CDC73: variants seen among roughly 807,000 people sequenced by gnomAD.
The protein encoded by CDC73 is parafibromin.
A neutral mutation model predicts 83.7 loss-of-function variants in CDC73; 21 were observed. That is an observed-to-expected ratio of 0.25 (90% confidence interval 0.18 to 0.36). The LOEUF (loss-of-function observed/expected upper bound fraction) is 0.36. Among genes scored for constraint, CDC73 ranks in the 10% least tolerant of loss-of-function variants. The pLI is 1.00. For synonymous variants in CDC73, 224 were observed against 212.9 expected (o/e 1.05, Z -0.45); for missense variants, 342 against 653.3 (o/e 0.52, Z 5.19).
At chr1:193,123,350 C>T (rs902045965) in intron 1 of CDC73, among the ~76,000 whole-genome samples, 1 of 152,168 alleles carries the variant, frequency 6.6e-6, no homozygotes, top group African/African-American at 2.4e-5. Flanking sequence ...GCCTCAGCCT[C>T]CTGAGTAGCT....
At chr1:193,171,774 G>T (rs1182455079) in intron 10 of CDC73, among the ~76,000 whole-genome samples, 3 of 151,780 alleles carry the variant, frequency 2.0e-5, no homozygotes, top group African/African-American at 7.3e-5. Flanking sequence ...CACAGGTTCT[G>T]GGGGCTAGGG....
intron 9 of CDC73, among the ~76,000 whole-genome samples, chr1:193,151,018 C>T (rs1342988144): frequency 1.3e-5 from 2 of 152,130 alleles, no homozygotes; most frequent in Non-Finnish European, 2.9e-5. Context: ...AACTTGGAAA[C>T]AAATTTTGAG....
intron 6 of CDC73, 96 bp from the exon 7 acceptor site, chr1:193,141,754 G>GTGT: frequency 1.3e-6 from 1 of 780,964 alleles, no homozygotes; most frequent in South Asian, 1.5e-5. Flanking sequence ...TGCCATGTAA[G>GTGT]TGTTTTTACC....
intron 3 of CDC73, among the ~76,000 whole-genome samples, chr1:193,132,374 A>G (rs1368967938): frequency 6.6e-6 from 1 of 152,258 alleles, no homozygotes; most frequent in African/African-American, 2.4e-5. Flanking sequence ...AAACATGTTT[A>G]CTGTCATGCA....
chr1:193,193,863 T>C (rs1676960027), intron 10 of CDC73, among the ~76,000 whole-genome samples: 1 of 151,580 alleles, frequency 6.6e-6, no homozygotes, highest in South Asian at 2.1e-4. Flanking sequence ...GGTAGTTAAG[T>C]ATACATACAG....
chr1:193,245,344 T>A (rs1677935950), intron 15 of CDC73, among the ~76,000 whole-genome samples: 2 of 152,212 alleles, frequency 1.3e-5, no homozygotes, highest in African/African-American at 2.4e-5. Context: ...AACTTTTTTT[T>A]AGCTTCTACA....
At chr1:193,160,371 CGTT>C (rs2103139810) in intron 10 of CDC73, among the ~76,000 whole-genome samples, 1 of 151,842 alleles carries the variant, frequency 6.6e-6, no homozygotes, top group East Asian at 1.9e-4. Flanking sequence ...TAATATTGAT[CGTT>C]GTAAGAATAG....
intron 13 of CDC73, among the ~76,000 whole-genome samples, chr1:193,228,404 AAGAG>A (rs1231499267): frequency 1.3e-5 from 2 of 152,208 alleles, no homozygotes; most frequent in African/African-American, 4.8e-5. Flanking sequence ...CGGAGGAACA[AAGAG>A]AGAGGACTCA....
At chr1:193,127,171 G>C (rs1028119169) in intron 2 of CDC73, among the ~76,000 whole-genome samples, 1 of 152,048 alleles carries the variant, frequency 6.6e-6, no homozygotes, top group African/African-American at 2.4e-5. Context: ...CTACTCAAGG[G>C]GCTGAGGTGG....
intron 10 of CDC73, among the ~76,000 whole-genome samples, chr1:193,162,690 A>T (rs1236458668): frequency 6.6e-6 from 1 of 151,998 alleles, no homozygotes; most frequent in Admixed American, 6.6e-5. Context: ...TTTACACATT[A>T]CAATTAAAAT....
chr1:193,151,559 C>T (rs746265089), intron 9 of CDC73, among the ~76,000 whole-genome samples: 14 of 152,290 alleles, frequency 9.2e-5, no homozygotes, highest in Middle Eastern at 6.8e-3. Context: ...AAATATTTGC[C>T]TTTACAGAAA....
intron 10 of CDC73, chr1:193,181,089 A>G (rs28930674): frequency 0.041 from 66,621 of 1,613,988 alleles, 1,522 homozygotes; most frequent in Non-Finnish European, 0.046. Flanking sequence ...CAGGCTCTGC[A>G]GCTATTAGTA....
intron 10 of CDC73, among the ~76,000 whole-genome samples, chr1:193,200,364 C>T (rs1241320010): frequency 1.3e-5 from 2 of 152,152 alleles, no homozygotes; most frequent in African/African-American, 4.8e-5. Flanking sequence ...GTTTAAGCAG[C>T]ACATACTGGT....
At chr1:193,241,432 C>T (rs1295515354) in intron 15 of CDC73, among the ~76,000 whole-genome samples, 5 of 152,176 alleles carry the variant, frequency 3.3e-5, no homozygotes, top group African/African-American at 1.2e-4. Context: ...CCCAAGGCCA[C>T]GTATGCTGGC....
intron 1 of CDC73, among the ~76,000 whole-genome samples, chr1:193,124,097 A>G (rs1675519559): frequency 6.6e-6 from 1 of 152,272 alleles, no homozygotes; most frequent in Admixed American, 6.5e-5. Context: ...TGGAAAGTAA[A>G]TGTGTTGACA....
intron 11 of CDC73, among the ~76,000 whole-genome samples, chr1:193,208,007 G>A (rs965485813): frequency 5.3e-5 from 8 of 152,100 alleles, no homozygotes; most frequent in African/African-American, 7.2e-5. Flanking sequence ...TGGATTTGCC[G>A]TAGGCATTTT....
intron 10 of CDC73, among the ~76,000 whole-genome samples, chr1:193,172,237 CTTTTT>C (rs36004862): frequency 1.5e-5 from 2 of 134,360 alleles, no homozygotes; most frequent in African/African-American, 2.8e-5. Flanking sequence ...TTTTTGGTAC[CTTTTT>C]TTTTTTTTTT....
intron 15 of CDC73, among the ~76,000 whole-genome samples, chr1:193,249,216 T>C (rs993164029): frequency 1.3e-5 from 2 of 151,848 alleles, no homozygotes; most frequent in African/African-American, 2.4e-5. Flanking sequence ...GCAAAAAAAA[T>C]TAGGACTTGC....
At chr1:193,221,055 A>G (rs1007090772) in intron 13 of CDC73, among the ~76,000 whole-genome samples, 2 of 152,188 alleles carry the variant, frequency 1.3e-5, no homozygotes, top group African/African-American at 2.4e-5. Flanking sequence ...CAACTAAATT[A>G]TGATTTCTTC....
Sources: allele counts gnomAD v4.1 joint callset (sites outside exome capture counted in the v4.1 genomes callset), GRCh38; gene constraint gnomAD v4.1.1; transcripts MANE v1.5; gene names NCBI Gene and HGNC (gene_info 2026-07-23, HGNC 2026-07-21).